The following PHF12 variants were observed in gnomAD, a reference collection of about 807,000 sequenced individuals.
The protein encoded by PHF12 is PHD factor 1.
Under a neutral mutation model 99.8 loss-of-function variants are expected in PHF12, and 6 were observed. The ratio of observed to expected loss-of-function variants is 0.06; its 90% confidence interval spans 0.03 to 0.12. The LOEUF (loss-of-function observed/expected upper bound fraction) is 0.12, where lower values mean the gene tolerates loss of function less well. Among genes scored for constraint, PHF12 ranks in the 10% least tolerant of loss-of-function variants. The pLI is 1.00. For missense variants in PHF12, 954 were observed against 1,300.1 expected, an observed-to-expected ratio of 0.73 and a Z score of 4.09; for synonymous variants, 480 against 514.9, an observed-to-expected ratio of 0.93 and a Z score of 0.92.
intron 4 of PHF12, among the ~76,000 whole-genome samples, chr17:28,923,348 A>AC (rs1433829179): frequency 6.9e-5 from 1 of 14,396 alleles, no homozygotes; most frequent in Non-Finnish European, 1.2e-4. Context: ...AATGTATAAT[A>AC]CTTTTTTTTT....
intron 7 of PHF12, 64 bp from the exon 8 acceptor site, chr17:28,914,101 G>T: frequency 1.3e-6 from 2 of 1,495,204 alleles, no homozygotes; most frequent in East Asian, 2.3e-5. Flanking sequence ...AGTTGATTCT[G>T]CCCTGGTATG....
In PHF12 at chr17:28,917,417, C is replaced by G; in HGVS notation, c.1002G>C (p.Arg334=). ...CCTGGAAACGATCAAACACCTGGCACCGATTGCTCAGTGTCATATTCTTCT... is the reference window on the plus strand; with the variant it reads ...CCTGGAAACGATCAAACACCTGGCAGCGATTGCTCAGTGTCATATTCTTCT... ...LNQKNMTLSN[R]CQVFDRFQDT... The change falls in exon 7 of 15, where the codon CGG becomes CGC. Residue 334 remains arginine, a synonymous_variant. Coordinates refer to ENST00000332830, the MANE Select transcript of PHF12 (RefSeq NM_001033561.2). The G allele has an allele frequency of 6.2e-7, 1 of 1,613,348 alleles. No individual in the cohort carries two copies. Among genetic ancestry groups the G allele is most frequent in the Non-Finnish European group, 8.5e-7 (1 of 1,179,570 alleles).
chr17:28,950,910 T>G lies in PHF12; in HGVS notation c.51A>C (p.Ser17=), dbSNP rs749800978. 1 of 1,613,926 alleles carries G rather than the reference T, an allele frequency of 6.2e-7. No homozygotes were observed. The highest frequency in any genetic ancestry group is 1.1e-5 in the South Asian group (1 of 91,072). The change falls in exon 1 of 15, where the codon TCA becomes TCC. Residue 17 remains serine (S), a synonymous_variant. Coordinates refer to ENST00000332830, the MANE Select transcript of PHF12 (RefSeq NM_001033561.2). The surrounding 1 kb of genome is among the most constrained non-coding windows in gnomAD (Gnocchi z 5.7). ...CCACTCTTACCTCCATCAGCCCCCC[T>G]GATGTGTCCAAGTCGTACACGATCG... ...TKTIVYDLDT[S]GGLMEQIQAL... is the part of the protein sequence containing the mutation.
In PHF12 at chr17:28,912,902, T is replaced by A; in HGVS notation, c.1669A>T (p.Thr557Ser). 1 of 1,614,042 alleles carries A rather than the reference T, an allele frequency of 6.2e-7. No individual in the cohort carries two copies. The highest frequency in any genetic ancestry group is 1.1e-5 in the South Asian group (1 of 91,076). Residue 557 changes from threonine to serine, a missense_variant, in exon 9 of 15, where the codon ACT becomes TCT. This residue lies in a region of PHF12 where 392 missense variants were observed against 423.1 expected (regional missense o/e 0.93). Transcript: ENST00000332830. Reference sequence around the variant, plus strand: ...AGTCGCCGGGGGTCCGTGGAATCAGTAGGGCTGCTGTAGAGGTGTGGGCCA... The same window carrying A: ...AGTCGCCGGGGGTCCGTGGAATCAGAAGGGCTGCTGTAGAGGTGTGGGCCA... ...ANGPHLYSSP[T>S]DSTDPRRLPG...
Position 28,950,274 on chromosome 17 carries a change from G to A in PHF12, c.67-28C>T, listed in dbSNP as rs1175883529. 1.3e-6 allele frequency: 2 copies of A among 1,584,162 alleles called. No homozygotes were observed. ...GCACACACATACAAACGGCGTGTGTGCACACTCGGAGCTCCCGGGCGGTCC... is the reference window on the plus strand; with the variant it reads ...GCACACACATACAAACGGCGTGTGTACACACTCGGAGCTCCCGGGCGGTCC... On this transcript the variant is annotated intron_variant, in intron 1 of 14. Transcript: ENST00000332830. This position sits in a 1 kb window ranked among gnomAD's most constrained non-coding sequence, Gnocchi z 5.7.
At chr17:28,941,531 C>T (rs1459943436) in intron 2 of PHF12, among the ~76,000 whole-genome samples, 1 of 152,100 alleles carries the variant, frequency 6.6e-6, no homozygotes, top group African/African-American at 2.4e-5. Context: ...ACTTTTTGTT[C>T]TTGTTAACTG....
chr17:28,912,370 A>T, intron 9 of PHF12, 112 bp downstream of exon 9: 5 of 1,440,134 alleles, frequency 3.5e-6, no homozygotes, highest in Non-Finnish European at 3.6e-6. Context: ...CAAACAATAC[A>T]AAGGCCAAAG....
At chr17:28,914,865 AAG>A (rs2040035804) in intron 7 of PHF12, among the ~76,000 whole-genome samples, 1 of 152,130 alleles carries the variant, frequency 6.6e-6, no homozygotes, top group South Asian at 2.1e-4. Context: ...CACACAAGCA[AAG>A]AGTCATTCAT....
rs2040116034 is a variant in PHF12 at position 28,919,289 on chromosome 17, A to G, written c.837-14T>C. 3.7e-6 allele frequency: 6 copies of G among 1,611,144 alleles called. 1 individual carries two copies. In the East Asian group the frequency reaches 1.3e-4, roughly 36 times the overall value. ...ACACGGCAACTCCTGCAAAAAAGAG[A>G]TGTTGGCCATTTCTGTGGCAAGAAA... On this transcript the variant is annotated splice_polypyrimidine_tract_variant and intron_variant, in intron 5 of 14. Transcript: ENST00000332830.
At position 28,924,284 on chromosome 17, in the gene PHF12, C is replaced by T. The variant is rs369643567; in HGVS notation, c.340G>A (p.Glu114Lys). The T allele has an allele frequency of 1.2e-6, 2 of 1,614,084 alleles. No individual in the cohort carries two copies. The highest frequency in any genetic ancestry group is 2.7e-5 in the African/African-American group (2 of 74,922). ...VRRKKREQKK[E>K]LGHVNGLVDK... ...ACCAGTCCATTGACATGACCCAGCT[C>T]CTTTTTCTGCTCTCGTTTCTGTGCA... Residue 114 changes from glutamate (E) to lysine (K), a missense_variant, in exon 4 of 15, where the codon GAG becomes AAG. Physicochemically the swap from Glu to Lys is moderately conservative, Grantham distance 56. Around this residue, in one of 8 missense-constraint regions of PHF12, gnomAD observed 109 missense variants for 145.4 expected, o/e 0.75. Transcript: ENST00000332830.
intron 2 of PHF12, among the ~76,000 whole-genome samples, chr17:28,934,301 G>A (rs1021114295): frequency 9.2e-5 from 14 of 152,174 alleles, no homozygotes; most frequent in African/African-American, 3.1e-4. Context: ...AATCAATGAA[G>A]AGCCCCAAAG....
At chr17:28,936,959 GC>G (rs1204017049) in intron 2 of PHF12, among the ~76,000 whole-genome samples, 2 of 152,134 alleles carry the variant, frequency 1.3e-5, no homozygotes, top group Non-Finnish European at 2.9e-5. Context: ...GTTGATACTA[GC>G]CAAAATGGGG....
At chr17:28,928,755 C>T (rs538534797) in intron 2 of PHF12, among the ~76,000 whole-genome samples, 1 of 151,938 alleles carries the variant, frequency 6.6e-6, no homozygotes, top group Non-Finnish European at 1.5e-5. Context: ...GCACTCCAGC[C>T]TGCGTGACAA....
At position 28,912,679 on chromosome 17, in the gene PHF12, G is replaced by A; in HGVS notation, c.1892C>T (p.Ser631Phe). ...VPSLPPSIPS[S>F]CASIENTSTL... ...GCTGGTGTTCTCGATGCTGGCACAA[G>A]AGCTGGGAATGGAAGGGGGCAGGCT... is the stretch of plus-strand genomic sequence containing the variant. Residue 631 changes from serine to phenylalanine, a missense_variant, in exon 9 of 15, where the codon TCT (serine) becomes TTT (phenylalanine). Transcript: ENST00000332830. The A allele has an allele frequency of 1.2e-6, 2 of 1,614,258 alleles. No individual in the cohort carries two copies. Among genetic ancestry groups the A allele is most frequent in the South Asian group, 2.2e-5 (2 of 91,088 alleles).
At chr17:28,925,533 T>C (rs1361022476) in intron 3 of PHF12, 1 of 152,202 alleles carries the variant, frequency 6.6e-6, no homozygotes, top group Non-Finnish European at 1.5e-5. Context: ...CAGAGGTCCA[T>C]GTGAAAGGTA....
intron 5 of PHF12, among the ~76,000 whole-genome samples, chr17:28,919,874 C>T (rs988299301): frequency 1.4e-4 from 22 of 152,272 alleles, no homozygotes; most frequent in African/African-American, 5.1e-4. Flanking sequence ...ATTTGGAGTA[C>T]AGCTAAAGTG....
chr17:28,938,470 C>A (rs559444751), intron 2 of PHF12, among the ~76,000 whole-genome samples: 2 of 152,184 alleles, frequency 1.3e-5, no homozygotes, highest in African/African-American at 4.8e-5. Context: ...CCTTGTGATC[C>A]GTCCACCTCA....
Position 28,917,288 on chromosome 17 carries a change from C to T in PHF12, c.1131G>A (p.Leu377=). The change falls in exon 7 of 15, where the codon TTG becomes TTA. Residue 377 remains leucine (L), a synonymous_variant. Transcript: ENST00000332830. ...RVLQSVKRRS[L]KVPDAIKSQY... ...CCTGCACCTGATTGTGACTCACCTT[C>T]AAGCTTCTTCTTTTGACCGACTGGA... 6.2e-7 allele frequency: 1 copy of T among 1,613,612 alleles called. No individual in the cohort carries two copies. The highest frequency in any genetic ancestry group is 8.5e-7 in the Non-Finnish European group (1 of 1,180,030).
intron 4 of PHF12, among the ~76,000 whole-genome samples, chr17:28,923,349 C>CT (rs34484770): frequency 0.99 from 146,107 of 147,410 alleles, 72,409 homozygotes; most frequent in Middle Eastern, 1. Context: ...ATGTATAATA[C>CT]TTTTTTTTTT....
Sources: allele counts gnomAD v4.1 joint callset (sites outside exome capture counted in the v4.1 genomes callset), GRCh38; gene constraint gnomAD v4.1.1; regional missense constraint gnomAD v4.1.1; non-coding constraint Gnocchi (gnomAD v3.1); transcripts MANE v1.5; gene names NCBI Gene and HGNC (gene_info 2026-07-23, HGNC 2026-07-21).